Variants in NRXN3 observed in about 807,000 individuals in gnomAD.
The protein encoded by NRXN3 is neurexin III.
In NRXN3, 32 loss-of-function variants were observed where a neutral mutation model predicts 137.6. The observed-to-expected ratio is 0.23, with a 90% CI of 0.18 to 0.31. The LOEUF is 0.31. Among genes scored for constraint, NRXN3 ranks in the 10% least tolerant of loss-of-function variants. The pLI, the probability that NRXN3 is intolerant of heterozygous loss-of-function variation, is 1.00. For synonymous variants in NRXN3, 798 were observed against 784.5 expected (o/e 1.02, Z -0.29); for missense variants, 1,574 against 2,062.5 (o/e 0.76, Z 4.59).
In NRXN3 at chr14:78,990,361, A is replaced by ATTTTTTT. The variant is rs1163720240; in HGVS notation, c.3262+2239_3262+2245dup. Among the ~76,000 whole-genome samples the ATTTTTTT allele has an allele frequency of 1.1e-3, 85 of 76,064 alleles. 3 individuals carry two copies. The highest frequency in any genetic ancestry group is 3.5e-3 in the African/African-American group (66 of 18,620). 49.9% of individuals were successfully genotyped at this position (76,064 alleles called of 152,430 possible). A position where few individuals can be genotyped will look rare whatever the true frequency, so the allele number is the denominator to read the frequency against. On this transcript the variant is annotated intron_variant, in intron 15 of 20. Coordinates refer to ENST00000335750, the MANE Select transcript of NRXN3 (RefSeq NM_001330195.2). ...CATGCAAATGATGAAGTTCACATCT[A>ATTTTTTT]TTTTTTTTTTTTTTTTTTTTTTTTT...
At chr14:78,342,134 T>A (rs1419039021) in intron 4 of NRXN3, among the ~76,000 whole-genome samples, 2 of 152,182 alleles carry the variant, frequency 1.3e-5, no homozygotes, top group Non-Finnish European at 1.5e-5. Flanking sequence ...CCAGGACAGT[T>A]CCAGGCAAAC....
At chr14:78,588,096 G>C (rs1337167862) in intron 4 of NRXN3, among the ~76,000 whole-genome samples, 1 of 151,646 alleles carries the variant, frequency 6.6e-6, no homozygotes, top group Non-Finnish European at 1.5e-5. Flanking sequence ...TAAATGAGAG[G>C]GATTTTTTTT....
intron 4 of NRXN3, among the ~76,000 whole-genome samples, chr14:78,502,002 A>G (rs971298946): frequency 2.0e-5 from 3 of 152,038 alleles, no homozygotes; most frequent in African/African-American, 7.2e-5. Context: ...ATAACAGAAC[A>G]CTGGATCTCC....
chr14:79,191,361 T>C (rs2064283843), intron 15 of NRXN3, among the ~76,000 whole-genome samples: 1 of 152,136 alleles, frequency 6.6e-6, no homozygotes, highest in Admixed American at 6.5e-5. Flanking sequence ...TATGTAGCAG[T>C]TCGTCTAATG....
chr14:79,126,995 G>A (rs1309044693), intron 15 of NRXN3, among the ~76,000 whole-genome samples: 5 of 152,194 alleles, frequency 3.3e-5, no homozygotes, highest in Non-Finnish European at 4.4e-5. Context: ...GTCTGTTCAT[G>A]TCCTTTGCCC....
intron 15 of NRXN3, among the ~76,000 whole-genome samples, chr14:79,008,632 AT>A (rs988479970): frequency 7.2e-6 from 1 of 139,156 alleles, no homozygotes; most frequent in Non-Finnish European, 1.6e-5. Flanking sequence ...AATGAATCTG[AT>A]TTTTTTTCTT....
At chr14:79,632,214 A>T (rs2098360086) in intron 16 of NRXN3, 1 of 153,456 alleles carries the variant, frequency 6.5e-6, no homozygotes, top group African/African-American at 2.4e-5. Flanking sequence ...GAAACTCTGA[A>T]CATGTCCGAA....
intron 10 of NRXN3, among the ~76,000 whole-genome samples, chr14:78,886,811 G>T (rs900025593): frequency 6.6e-6 from 1 of 152,054 alleles, no homozygotes; most frequent in Non-Finnish European, 1.5e-5. Context: ...CCCCAGCCTT[G>T]ACAGAATTGC....
intron 16 of NRXN3, among the ~76,000 whole-genome samples, chr14:79,557,502 G>A (rs1014980225): frequency 2.0e-5 from 3 of 152,026 alleles, no homozygotes; most frequent in Admixed American, 6.6e-5. Flanking sequence ...CCACAATAAC[G>A]TGATTATTGC....
At chr14:78,778,677 C>T (rs977354445) in intron 8 of NRXN3, among the ~76,000 whole-genome samples, 4 of 119,146 alleles carry the variant, frequency 3.4e-5, no homozygotes, top group East Asian at 2.8e-4. Context: ...TTTCTCTTTT[C>T]TTTTCTTTCT....
chr14:78,516,656 G>T (rs1016679249), intron 4 of NRXN3, among the ~76,000 whole-genome samples: 6 of 152,126 alleles, frequency 3.9e-5, no homozygotes, highest in African/African-American at 1.4e-4. Context: ...ATGTTGGTGT[G>T]AGCTAATGTG....
chr14:78,581,931 G>A (rs1056751288), intron 4 of NRXN3, among the ~76,000 whole-genome samples: 5 of 152,184 alleles, frequency 3.3e-5, no homozygotes, highest in African/African-American at 1.2e-4. Context: ...GGGCTTAAAT[G>A]TTCTCAGCAT....
chr14:78,595,808 T>C (rs2097153386), intron 4 of NRXN3, among the ~76,000 whole-genome samples: 1 of 152,102 alleles, frequency 6.6e-6, no homozygotes. Flanking sequence ...GCCATCTCCA[T>C]TGAGGATGAA....
chr14:78,351,841 A>G (rs1314309224), intron 4 of NRXN3, among the ~76,000 whole-genome samples: 3 of 134,098 alleles, frequency 2.2e-5, no homozygotes, highest in Non-Finnish European at 4.8e-5. Flanking sequence ...CAAATTTATT[A>G]ATTTGGCTCT....
intron 1 of NRXN3, among the ~76,000 whole-genome samples, chr14:78,238,130 G>T (rs1207027916): frequency 7.5e-6 from 1 of 132,946 alleles, no homozygotes; most frequent in Non-Finnish European, 1.6e-5. Context: ...ACATGTCAGA[G>T]TTGTGTGAGC....
chr14:78,920,312 A>G (rs886191753), intron 10 of NRXN3, among the ~76,000 whole-genome samples: 12 of 152,352 alleles, frequency 7.9e-5, no homozygotes, highest in African/African-American at 2.9e-4. Context: ...GAAGCAAGTC[A>G]ATGGCTACAT....
chr14:79,719,309 G>A (rs58658901), intron 19 of NRXN3, among the ~76,000 whole-genome samples: 2,671 of 101,386 alleles, frequency 0.026, 73 homozygotes, highest in African/African-American at 0.091. Context: ...ATATGTATGT[G>A]TATGTATACA....
intron 10 of NRXN3, among the ~76,000 whole-genome samples, chr14:78,927,166 G>T (rs1169965537): frequency 7.4e-6 from 1 of 135,740 alleles, no homozygotes; most frequent in Non-Finnish European, 1.5e-5. Flanking sequence ...AAAAAAAAAA[G>T]TTTTTTTCAG....
At chr14:79,432,546 C>T (rs1353945789) in intron 15 of NRXN3, among the ~76,000 whole-genome samples, 1 of 152,158 alleles carries the variant, frequency 6.6e-6, no homozygotes, top group Admixed American at 6.6e-5. Context: ...CTTGAGAAGA[C>T]CCCCAGTCTG....
Sources: gnomAD v4.1 joint callset for allele counts (sites outside exome capture counted in the v4.1 genomes callset) on GRCh38, gnomAD v4.1.1 for gene constraint, MANE v1.5 for transcripts, NCBI Gene and HGNC (gene_info 2026-07-23, HGNC 2026-07-21) for gene names.